The following CTNNA1 variants were observed in gnomAD, a reference collection of about 807,000 sequenced individuals.
CTNNA1 encodes the protein catenin alpha-1.
In CTNNA1, 37 loss-of-function variants were observed where a neutral mutation model predicts 98.4. The observed-to-expected ratio is 0.38, with a 90% CI of 0.29 to 0.49. CTNNA1 has a LOEUF of 0.49. Ranked by LOEUF, CTNNA1 falls within the 20% of genes least tolerant of loss-of-function variation. The pLI, the probability that CTNNA1 is intolerant of heterozygous loss-of-function variation, is 0.95. For missense variants in CTNNA1, 761 were observed against 1,147.2 expected, an observed-to-expected ratio of 0.66 and a Z score of 4.86; for synonymous variants, 404 against 413.2, an observed-to-expected ratio of 0.98 and a Z score of 0.27.
At chr5:138,891,549 T>G (rs1345805591) in intron 9 of CTNNA1, among the ~76,000 whole-genome samples, 1 of 152,150 alleles carries the variant, frequency 6.6e-6, no homozygotes, top group Non-Finnish European at 1.5e-5. Flanking sequence ...TCACTTGAGG[T>G]CAGGAGTTCG....
chr5:138,921,059 C>T (rs944592745), intron 11 of CTNNA1, among the ~76,000 whole-genome samples: 1 of 152,164 alleles, frequency 6.6e-6, no homozygotes, highest in African/African-American at 2.4e-5. Flanking sequence ...GGTCTCCTCA[C>T]CCCCAAGCTA....
At chr5:138,818,414 T>TA (rs57427709) in intron 5 of CTNNA1, among the ~76,000 whole-genome samples, 103,364 of 151,756 alleles carry the variant, frequency 0.68, 35,421 homozygotes, top group East Asian at 0.93. Context: ...GTGTCATATT[T>TA]ACTTGCTTTC....
chr5:138,850,088 A>G (rs1409466616), intron 7 of CTNNA1, among the ~76,000 whole-genome samples: 2 of 152,172 alleles, frequency 1.3e-5, no homozygotes, highest in Non-Finnish European at 2.9e-5. Context: ...TTACTATGAT[A>G]ATTTGCTGAC....
intron 1 of CTNNA1, among the ~76,000 whole-genome samples, chr5:138,761,281 C>T (rs1752334965): frequency 6.6e-6 from 1 of 152,148 alleles, no homozygotes; most frequent in South Asian, 2.1e-4. Context: ...GTCGCCCAGT[C>T]TGGAGTGCAG....
At chr5:138,763,470 A>G (rs1369536596) in intron 1 of CTNNA1, among the ~76,000 whole-genome samples, 1 of 152,122 alleles carries the variant, frequency 6.6e-6, no homozygotes, top group Non-Finnish European at 1.5e-5. Context: ...AGCCTTCTGA[A>G]TAGCTGGGAC....
intron 3 of CTNNA1, among the ~76,000 whole-genome samples, chr5:138,802,949 C>T (rs956423109): frequency 3.1e-4 from 44 of 143,090 alleles, no homozygotes; most frequent in Non-Finnish European, 1.5e-4. Flanking sequence ...AGGCATGCAC[C>T]GCCACACTTA....
In CTNNA1 at chr5:138,904,445, A is replaced by G. The variant is rs1758729127; in HGVS notation, c.1389+4A>G. 6.2e-7 allele frequency: 1 copy of G among 1,613,030 alleles called. No homozygotes were observed. Among genetic ancestry groups the G allele is most frequent in the Non-Finnish European group, 8.5e-7 (1 of 1,179,510 alleles). On this transcript the variant is annotated splice_donor_region_variant and intron_variant, in intron 10 of 17. Coordinates refer to ENST00000302763, the MANE Select transcript of CTNNA1 (RefSeq NM_001903.5). ...GTTAGAAGCCCTCTGTCCTCAGGTA[A>G]AGTACAACTGACACTGGTGACAGCA...
chr5:138,767,320 G>C (rs983422309), intron 1 of CTNNA1, among the ~76,000 whole-genome samples: 1 of 152,154 alleles, frequency 6.6e-6, no homozygotes, highest in Non-Finnish European at 1.5e-5. Context: ...ACAGGCATGA[G>C]CCACCGCGCC....
intron 7 of CTNNA1, chr5:138,875,259 G>A: frequency 2.7e-6 from 1 of 371,174 alleles, no homozygotes; most frequent in African/African-American, 2.2e-5. Context: ...CAGATGGGTG[G>A]CTTGTTGCAG....
At chr5:138,755,845 C>CTTTTTTTTTTTTTTTTTTTTTTTTT in intron 1 of CTNNA1, among the ~76,000 whole-genome samples, 1 of 58,448 alleles carries the variant, frequency 1.7e-5, no homozygotes, top group Non-Finnish European at 3.1e-5. Flanking sequence ...GGATTTCCTT[C>CTTTTTTTTTTTTTTTTTTTTTTTTT]TTTTTTTTTT....
chr5:138,825,462 A>G (rs1410686204), intron 6 of CTNNA1, among the ~76,000 whole-genome samples: 1 of 130,270 alleles, frequency 7.7e-6, no homozygotes, highest in African/African-American at 2.9e-5. Context: ...CTTGGCTTCC[A>G]GTAGATGGCA....
At chr5:138,894,456 T>C (rs1040517885) in intron 9 of CTNNA1, among the ~76,000 whole-genome samples, 27 of 151,456 alleles carry the variant, frequency 1.8e-4, no homozygotes, top group African/African-American at 6.5e-4. Flanking sequence ...ATTTTTTTCA[T>C]TTTTTGCAGA....
chr5:138,912,369 A>G (rs2150195110), intron 10 of CTNNA1, among the ~76,000 whole-genome samples: 2 of 152,062 alleles, frequency 1.3e-5, no homozygotes, highest in South Asian at 4.1e-4. Context: ...AGGAAATCCC[A>G]ACACCTTAGA....
At chr5:138,789,933 T>C (rs991593894) in intron 3 of CTNNA1, among the ~76,000 whole-genome samples, 4 of 152,230 alleles carry the variant, frequency 2.6e-5, no homozygotes, top group African/African-American at 9.6e-5. Context: ...AGCTTTTTTT[T>C]CCCCTTAGAA....
At chr5:138,806,594 A>G (rs1470821788) in intron 3 of CTNNA1, among the ~76,000 whole-genome samples, 1 of 152,052 alleles carries the variant, frequency 6.6e-6, no homozygotes, top group African/African-American at 2.4e-5. Context: ...TAGATAGGTT[A>G]ATCCTCTTTA....
intron 5 of CTNNA1, among the ~76,000 whole-genome samples, chr5:138,815,286 A>G (rs1411164478): frequency 6.6e-6 from 1 of 152,026 alleles, no homozygotes; most frequent in Non-Finnish European, 1.5e-5. Flanking sequence ...GAAATATTGG[A>G]ATTATTATAT....
rs1766213422 is a variant in CTNNA1 at position 138,934,890 on chromosome 5, G to C, written c.*801G>C. The C allele has an allele frequency of 7.0e-6, 1 of 143,798 alleles. No homozygotes were observed. Among genetic ancestry groups the C allele is most frequent in the Non-Finnish European group, 1.5e-5 (1 of 65,180 alleles). 8.9% of individuals were successfully genotyped at this position (143,798 alleles called of 1,614,324 possible). On this transcript the variant is annotated 3_prime_UTR_variant, in exon 18 of 18. Coordinates refer to ENST00000302763, the MANE Select transcript of CTNNA1 (RefSeq NM_001903.5). ...CAGTAATTTAGACTTTACCTTATTT[G>C]TGATTACTGTAGTGATTGATTGATT...
At chr5:138,898,441 G>T (rs2662543) in intron 9 of CTNNA1, among the ~76,000 whole-genome samples, 46,814 of 151,698 alleles carry the variant, frequency 0.31, 7,322 homozygotes, top group African/African-American at 0.37. Flanking sequence ...ACCTTTGCTA[G>T]CTTTACTTAT....
Position 138,827,554 on chromosome 5 carries a change from C to T in CTNNA1, c.898C>T (p.Arg300Cys), listed in dbSNP as rs765248090. The T allele has an allele frequency of 4.0e-5, 64 of 1,614,104 alleles. No individual in the cohort carries two copies. Among genetic ancestry groups the T allele is most frequent in the Non-Finnish European group, 4.9e-5 (58 of 1,180,050 alleles). ...IVDPLSFSEE[R>C]FRPSLEERLE... ...GGACCCCTTGAGCTTCAGCGAGGAG[C>T]GCTTTAGGCCTTCCCTGGAGGAGCG... Residue 300 changes from arginine to cysteine, a missense_variant, in exon 7 of 18, where the codon CGC becomes TGC. This residue lies in a region of CTNNA1 where 287 missense variants were observed against 436.0 expected (regional missense o/e 0.66). Transcript: ENST00000302763.
Sources: gnomAD v4.1 joint callset for allele counts (sites outside exome capture counted in the v4.1 genomes callset) on GRCh38, gnomAD v4.1.1 for gene constraint, gnomAD v4.1.1 regional missense constraint, MANE v1.5 for transcripts, NCBI Gene and HGNC (gene_info 2026-07-23, HGNC 2026-07-21) for gene names.